Variants in PTBP3 observed in about 807,000 individuals in gnomAD.
PTBP3 encodes the protein polypyrimidine tract-binding protein 3.
Under a neutral mutation model 58.7 loss-of-function variants are expected in PTBP3, and 20 were observed. That is an observed-to-expected ratio of 0.34 (90% CI 0.24 to 0.50). The LOEUF (loss-of-function observed/expected upper bound fraction) is 0.50. PTBP3 is among the 20% of genes least tolerant of loss of function. The pLI is 0.98. For synonymous variants in PTBP3, 185 were observed against 219.8 expected (o/e 0.84, Z 1.40); for missense variants, 509 against 637.2 (o/e 0.80, Z 2.17).
rs147115197 is a variant in PTBP3 at position 112,294,796 on chromosome 9, A to T, written c.34+3036T>A. Among the ~76,000 whole-genome samples the T allele has an allele frequency of 8.6e-3, 1,315 of 152,346 alleles. 23 individuals carry two copies. Among genetic ancestry groups the T allele is most frequent in the African/African-American group, 0.03 (1,254 of 41,590 alleles). On this transcript the variant is annotated intron_variant, in intron 2 of 13. Transcript: ENST00000374257. ...TTACTAAGACATTTTAGTTAAAGTA[A>T]GTATACATAAAATAAATATTCAAAA... is the stretch of plus-strand genomic sequence containing the variant.
At chr9:112,304,157 ACT>A (rs1297449837) in intron 1 of PTBP3, among the ~76,000 whole-genome samples, 1 of 151,928 alleles carries the variant, frequency 6.6e-6, no homozygotes, top group Admixed American at 6.6e-5. Flanking sequence ...ACAGAGTCAG[ACT>A]CTGTCTTAGG....
At chr9:112,258,767 T>C (rs1001417682) in intron 5 of PTBP3, among the ~76,000 whole-genome samples, 20 of 152,266 alleles carry the variant, frequency 1.3e-4, no homozygotes, top group South Asian at 4.1e-4. Context: ...CAGCTTGTCA[T>C]AGGGTGGAAG....
At chr9:112,228,253 T>C (rs1191006648) in intron 11 of PTBP3, 127 bp downstream of exon 11, 4 of 604,936 alleles carry the variant, frequency 6.6e-6, no homozygotes, top group Non-Finnish European at 1.1e-5. Context: ...CAAATAATAA[T>C]GAAGGCATTA....
intron 7 of PTBP3, 99 bp from the exon 8 acceptor site, chr9:112,234,996 G>C (rs1453887517): frequency 4.1e-6 from 4 of 982,078 alleles, no homozygotes; most frequent in African/African-American, 3.3e-5. Flanking sequence ...TACTAACAAA[G>C]AGATTCTGTT....
In PTBP3 at chr9:112,301,301, A is replaced by ATACT. The variant is rs1828922921; in HGVS notation, c.-51-3389_-51-3386dup. 3.7e-5 allele frequency among the ~76,000 whole-genome samples: 3 copies of ATACT among 81,118 alleles called. No individual in the cohort carries two copies. The South Asian group carries it at 1.7e-3, about 47-fold the overall frequency. 53.2% of individuals were successfully genotyped at this position (81,118 alleles called of 152,430 possible). A position where few individuals can be genotyped will look rare whatever the true frequency, so the allele number is the denominator to read the frequency against. On this transcript the variant is annotated intron_variant, in intron 1 of 13. Transcript: ENST00000374257. ...ACTTCAAGGAAAAATTAAGACCATG[A>ATACT]TACTACCACTTAACTATCAGAACAC...
chr9:112,293,324 CATA>C (rs545097182), intron 2 of PTBP3, among the ~76,000 whole-genome samples: 147 of 152,128 alleles, frequency 9.7e-4, no homozygotes, highest in African/African-American at 3.4e-3. Context: ...ATATGTATGT[CATA>C]ATGTTATGGT....
At position 112,220,939 on chromosome 9, in the gene PTBP3, G is replaced by C. The variant is rs148651450; in HGVS notation, c.*2912C>G. On this transcript the variant is annotated 3_prime_UTR_variant, in exon 14 of 14. Transcript: ENST00000374257. ...AGAAAAACCATTGCTAGAAGATACT[G>C]AATAAATGCATGCCAAAACAGAGAT... 47 of 964,342 alleles carry C rather than the reference G, an allele frequency of 4.9e-5. No individual in the cohort carries two copies. In the East Asian group the frequency reaches 4.1e-3, roughly 85 times the overall value. 59.7% of individuals were successfully genotyped at this position (964,342 alleles called of 1,614,324 possible).
At chr9:112,368,016 A>C in the PTBP3 span, among the ~76,000 whole-genome samples, 1 of 151,730 alleles carries the variant, frequency 6.6e-6, no homozygotes, top group Non-Finnish European at 1.5e-5. Flanking sequence ...TGTTGTTGAG[A>C]CGAAGTCTCA....
At chr9:112,250,807 G>T in intron 7 of PTBP3, 122 bp downstream of exon 7, 1 of 985,780 alleles carries the variant, frequency 1.0e-6, no homozygotes, top group Non-Finnish European at 1.4e-6. Flanking sequence ...TAGGATTCTT[G>T]CTTTCCTTTA....
At chr9:112,345,873 G>A in the PTBP3 span, among the ~76,000 whole-genome samples, 5 of 144,194 alleles carry the variant, frequency 3.5e-5, no homozygotes, top group Non-Finnish European at 7.6e-5. Flanking sequence ...TTTTCTTTTT[G>A]AGACAGAGTC....
intron 2 of PTBP3, among the ~76,000 whole-genome samples, chr9:112,292,150 T>C (rs1222423258): frequency 1.3e-5 from 2 of 152,098 alleles, no homozygotes; most frequent in Non-Finnish European, 2.9e-5. Flanking sequence ...GAAGAAGATA[T>C]ACGAATAGCC....
chr9:112,334,932 C>G (rs948052657), upstream of PTBP3, among the ~76,000 whole-genome samples: 7 of 152,188 alleles, frequency 4.6e-5, no homozygotes, highest in Non-Finnish European at 8.8e-5. Context: ...CCTCAGTCCC[C>G]TTCCAAAATG....
intron 8 of PTBP3, 39 bp downstream of exon 8, chr9:112,234,781 T>A (rs577703618): frequency 3.0e-5 from 47 of 1,542,522 alleles, no homozygotes; most frequent in Non-Finnish European, 4.0e-5. Context: ...ATATACAACT[T>A]CATTAAAAGT....
chr9:112,295,172 G>T (rs1828616080), intron 2 of PTBP3, among the ~76,000 whole-genome samples: 1 of 151,764 alleles, frequency 6.6e-6, no homozygotes, highest in African/African-American at 2.4e-5. Flanking sequence ...CCAGGAGGCG[G>T]TGGTTACAGT....
chr9:112,252,509 T>A (rs570833010), intron 6 of PTBP3, 169 bp downstream of exon 6: 2 of 520,778 alleles, frequency 3.8e-6, no homozygotes, highest in Non-Finnish European at 6.3e-6. Context: ...TAGTAATGAT[T>A]TTTAGCTTAG....
At chr9:112,285,495 C>T (rs1828071230) in intron 2 of PTBP3, among the ~76,000 whole-genome samples, 1 of 152,278 alleles carries the variant, frequency 6.6e-6, no homozygotes, top group East Asian at 1.9e-4. Flanking sequence ...CTGTTCTATA[C>T]TGTCAATTAG....
chr9:112,241,291 A>G (rs1835651206), intron 7 of PTBP3, among the ~76,000 whole-genome samples: 1 of 152,054 alleles, frequency 6.6e-6, no homozygotes, highest in African/African-American at 2.4e-5. Context: ...TTTAGTACAG[A>G]TGGGGTTTCA....
intron 3 of PTBP3, among the ~76,000 whole-genome samples, chr9:112,270,159 C>A (rs1179634083): frequency 6.6e-6 from 1 of 152,088 alleles, no homozygotes; most frequent in African/African-American, 2.4e-5. Context: ...GAAGGCTGGT[C>A]TTGAACTCCT....
chr9:112,258,882 C>T (rs1366584829), intron 5 of PTBP3, among the ~76,000 whole-genome samples: 2 of 152,078 alleles, frequency 1.3e-5, no homozygotes, highest in Non-Finnish European at 2.9e-5. Context: ...AGTGCCTATG[C>T]CCTCACCCAG....
Sources: gnomAD v4.1 joint callset for allele counts (sites outside exome capture counted in the v4.1 genomes callset) on GRCh38, gnomAD v4.1.1 for gene constraint, MANE v1.5 for transcripts, NCBI Gene and HGNC (gene_info 2026-07-23, HGNC 2026-07-21) for gene names.